Variants in CLSTN1 observed in about 807,000 individuals in gnomAD.
CLSTN1 encodes the protein calsyntenin-1.
A neutral mutation model predicts 108.3 loss-of-function variants in CLSTN1; 28 were observed. The ratio of observed to expected loss-of-function variants is 0.26; its 90% CI spans 0.19 to 0.35. CLSTN1 has a LOEUF of 0.35. CLSTN1 is among the 10% of genes least tolerant of loss of function. The probability of loss-of-function intolerance (pLI) is 1.00; values close to 1 mark genes in which losing one functional copy is unlikely to be tolerated. For synonymous variants in CLSTN1, 524 were observed against 534.9 expected (o/e 0.98, Z 0.28); for missense variants, 1,157 against 1,302.6 (o/e 0.89, Z 1.72).
intron 1 of CLSTN1, among the ~76,000 whole-genome samples, chr1:9,792,625 T>C (rs1046843094): frequency 2.0e-5 from 3 of 151,414 alleles, no homozygotes; most frequent in African/African-American, 7.2e-5. Flanking sequence ...TCGGGAACCA[T>C]GCCCTTGGCT....
intron 1 of CLSTN1, among the ~76,000 whole-genome samples, chr1:9,805,401 A>AT (rs1654462591): frequency 6.6e-6 from 1 of 152,152 alleles, no homozygotes; most frequent in Non-Finnish European, 1.5e-5. Flanking sequence ...TTTCCCAACT[A>AT]TATCTGTGTG....
chr1:9,804,813 T>C (rs921883433), intron 1 of CLSTN1, among the ~76,000 whole-genome samples: 2 of 150,934 alleles, frequency 1.3e-5, no homozygotes, highest in African/African-American at 4.9e-5. Flanking sequence ...GCCTGGGCGA[T>C]GGAGTGAGAC....
chr1:9,801,313 TTA>T lies in CLSTN1; in HGVS notation c.91+22328_91+22329del, dbSNP rs376657160. Among the ~76,000 whole-genome samples the T allele has an allele frequency of 2.0e-4, 30 of 152,230 alleles. No individual in the cohort carries two copies. The East Asian group carries it at 5.8e-3, about 29-fold the overall frequency. On this transcript the variant is annotated intron_variant, in intron 1 of 18. Transcript: ENST00000377298. ...AAAAATTTGATAACCTAGATGAAATTTATCAATTCCCTGGAAGATACAATCTG... is the reference window on the plus strand; with the variant it reads ...AAAAATTTGATAACCTAGATGAAATTTCAATTCCCTGGAAGATACAATCTG...
intron 1 of CLSTN1, among the ~76,000 whole-genome samples, chr1:9,821,954 A>AT (rs1655205712): frequency 6.6e-6 from 1 of 152,244 alleles, no homozygotes; most frequent in Non-Finnish European, 1.5e-5. Flanking sequence ...GGTAATGAAG[A>AT]TATTCAAAGT....
At chr1:9,751,154 C>T (rs1214590554) in intron 5 of CLSTN1, among the ~76,000 whole-genome samples, 1 of 151,858 alleles carries the variant, frequency 6.6e-6, no homozygotes, top group Non-Finnish European at 1.5e-5. Context: ...CATTCAGATG[C>T]ATGTGGACTG....
chr1:9,771,210 G>T (rs1652658646), intron 2 of CLSTN1, among the ~76,000 whole-genome samples: 1 of 152,022 alleles, frequency 6.6e-6, no homozygotes, highest in Admixed American at 6.6e-5. Flanking sequence ...AAATAATTCT[G>T]TTAAAATGAT....
chr1:9,784,674 C>G (rs1474842744), intron 1 of CLSTN1, among the ~76,000 whole-genome samples: 1 of 152,192 alleles, frequency 6.6e-6, no homozygotes, highest in Non-Finnish European at 1.5e-5. Flanking sequence ...TTTGCAGATT[C>G]AACTTTTAAA....
At chr1:9,808,070 G>T (rs926860984) in intron 1 of CLSTN1, among the ~76,000 whole-genome samples, 1 of 152,202 alleles carries the variant, frequency 6.6e-6, no homozygotes, top group Admixed American at 6.5e-5. Flanking sequence ...TTTACAGAAT[G>T]ACAGCAGTCC....
At chr1:9,773,069 T>A (rs1159348042) in intron 2 of CLSTN1, among the ~76,000 whole-genome samples, 1 of 152,180 alleles carries the variant, frequency 6.6e-6, no homozygotes, top group East Asian at 1.9e-4. Context: ...TTAAACAGTT[T>A]GTTTTTCAAC....
At chr1:9,760,525 GA>G (rs1230243524) in intron 2 of CLSTN1, among the ~76,000 whole-genome samples, 1 of 152,066 alleles carries the variant, frequency 6.6e-6, no homozygotes, top group African/African-American at 2.4e-5. Flanking sequence ...CAGTACCTCT[GA>G]TGAGATACAA....
At chr1:9,805,118 CAAAAAGAAA>C (rs1358518297) in intron 1 of CLSTN1, among the ~76,000 whole-genome samples, 2 of 151,244 alleles carry the variant, frequency 1.3e-5, no homozygotes, top group African/African-American at 2.4e-5. Context: ...AGACTCCTCT[CAAAAAGAAA>C]AAAAAGAAAA....
At chr1:9,804,708 T>C (rs1011946285) in intron 1 of CLSTN1, among the ~76,000 whole-genome samples, 1 of 152,024 alleles carries the variant, frequency 6.6e-6, no homozygotes, top group Non-Finnish European at 1.5e-5. Flanking sequence ...CAGGCAGGCA[T>C]GTAGTCCCAG....
intron 15 of CLSTN1, 61 bp downstream of exon 15, chr1:9,733,910 AG>A: frequency 6.6e-7 from 1 of 1,512,456 alleles, no homozygotes; most frequent in Non-Finnish European, 9.0e-7. Flanking sequence ...CAGCCAGCCA[AG>A]AGCTCTCAAA....
At chr1:9,810,957 C>T (rs72855735) in intron 1 of CLSTN1, among the ~76,000 whole-genome samples, 23,759 of 151,950 alleles carry the variant, frequency 0.16, 3,066 homozygotes, top group African/African-American at 0.35. Flanking sequence ...TTATATGCAA[C>T]AAGAAAAATG....
intron 16 of CLSTN1, among the ~76,000 whole-genome samples, chr1:9,732,983 G>A (rs1650488165): frequency 6.6e-6 from 1 of 152,150 alleles, no homozygotes; most frequent in South Asian, 2.1e-4. Context: ...TTGAACCTGG[G>A]GGGACAAGAC....
chr1:9,735,372 A>G, intron 13 of CLSTN1, 95 bp downstream of exon 13: 1 of 1,538,152 alleles, frequency 6.5e-7, no homozygotes, highest in South Asian at 1.2e-5. Context: ...ACGATGGCTC[A>G]CCTTTCCTTA....
At chr1:9,756,407 G>T in intron 3 of CLSTN1, 74 bp downstream of exon 3, 2 of 1,222,352 alleles carry the variant, frequency 1.6e-6, no homozygotes, top group Non-Finnish European at 1.2e-6. Context: ...CCTGTTTAAG[G>T]GCTGATTCCC....
intron 7 of CLSTN1, among the ~76,000 whole-genome samples, chr1:9,747,176 CAAAAA>C (rs70998306): frequency 4.3e-4 from 14 of 32,746 alleles, no homozygotes; most frequent in African/African-American, 1.2e-3. Context: ...GAGACTGTCT[CAAAAA>C]AAAAAAAAAA....
At chr1:9,741,785 G>A (rs756053494) in intron 9 of CLSTN1, among the ~76,000 whole-genome samples, 2 of 152,108 alleles carry the variant, frequency 1.3e-5, no homozygotes, top group Non-Finnish European at 2.9e-5. Context: ...GGTGGTGCAC[G>A]CCTGTAGTCC....
Sources: gnomAD v4.1 joint callset for allele counts (sites outside exome capture counted in the v4.1 genomes callset) on GRCh38, gnomAD v4.1.1 for gene constraint, MANE v1.5 for transcripts, NCBI Gene and HGNC (gene_info 2026-07-23, HGNC 2026-07-21) for gene names.